Variants in DOCK2 observed in about 807,000 individuals in gnomAD.
DOCK2 encodes the protein dedicator of cytokinesis 2.
In DOCK2, 87 loss-of-function variants were observed where a neutral mutation model predicts 248.9. That is an observed-to-expected ratio of 0.35 (90% confidence interval 0.29 to 0.42). The LOEUF is 0.42. Ranked by LOEUF, DOCK2 falls within the 10% of genes least tolerant of loss-of-function variation. DOCK2 has a pLI of 1.00. For missense variants in DOCK2, 1,747 were observed against 2,300.2 expected (o/e 0.76, Z 4.92); for synonymous variants, 805 against 821.6 (o/e 0.98, Z 0.35).
At chr5:169,658,259 T>A (rs1758231028) in intron 2 of DOCK2, among the ~76,000 whole-genome samples, 1 of 151,964 alleles carries the variant, frequency 6.6e-6, no homozygotes, top group Non-Finnish European at 1.5e-5. Context: ...GGCGGGTGGA[T>A]CATGAGGTCA....
At chr5:169,645,069 G>T (rs1757378517) in intron 1 of DOCK2, among the ~76,000 whole-genome samples, 1 of 152,168 alleles carries the variant, frequency 6.6e-6, no homozygotes, top group Non-Finnish European at 1.5e-5. Flanking sequence ...TTGGTTCCAA[G>T]TGTTTGTTGT....
intron 46 of DOCK2, among the ~76,000 whole-genome samples, chr5:170,071,734 A>G (rs1757688204): frequency 1.3e-5 from 2 of 152,314 alleles, no homozygotes; most frequent in South Asian, 2.1e-4. Flanking sequence ...AAGAGTGAGC[A>G]CTGTTCTGTT....
intron 29 of DOCK2, among the ~76,000 whole-genome samples, chr5:169,992,720 C>T (rs554570054): frequency 1.4e-4 from 21 of 152,290 alleles, no homozygotes; most frequent in Middle Eastern, 3.4e-3. Flanking sequence ...ATCTCGGCCT[C>T]CCAAAGTGCT....
At chr5:169,787,157 G>C (rs1014686356) in intron 25 of DOCK2, among the ~76,000 whole-genome samples, 1 of 152,116 alleles carries the variant, frequency 6.6e-6, no homozygotes, top group South Asian at 2.1e-4. Context: ...TTCCACTTCC[G>C]CACTCTGCTC....
At chr5:170,037,624 C>A (rs1756367479) in intron 36 of DOCK2, among the ~76,000 whole-genome samples, 1 of 151,908 alleles carries the variant, frequency 6.6e-6, no homozygotes, top group East Asian at 1.9e-4. Flanking sequence ...GTAGCTGAGA[C>A]TACAGGCCTG....
intron 40 of DOCK2, 138 bp downstream of exon 40, chr5:170,047,752 A>G: frequency 1.5e-6 from 1 of 669,514 alleles, no homozygotes; most frequent in Non-Finnish European, 2.5e-6. Context: ...CATCCCCAGG[A>G]GACTCCCCAG....
intron 8 of DOCK2, among the ~76,000 whole-genome samples, chr5:169,686,567 A>G (rs1177465639): frequency 6.6e-6 from 1 of 152,204 alleles, no homozygotes; most frequent in Non-Finnish European, 1.5e-5. Context: ...CAATGCAGGA[A>G]GGAGGGCAGG....
chr5:169,847,063 G>A (rs1343314364), intron 27 of DOCK2, among the ~76,000 whole-genome samples: 1 of 152,140 alleles, frequency 6.6e-6, no homozygotes, highest in Non-Finnish European at 1.5e-5. Flanking sequence ...AGTGTTCCAT[G>A]GTGCATATAT....
chr5:169,887,856 A>G (rs979985179), intron 27 of DOCK2, among the ~76,000 whole-genome samples: 2 of 152,208 alleles, frequency 1.3e-5, no homozygotes, highest in Non-Finnish European at 2.9e-5. Flanking sequence ...CCATTACTGC[A>G]TGAGAAGGTC....
At chr5:169,891,614 G>A (rs534003258) in intron 27 of DOCK2, among the ~76,000 whole-genome samples, 78 of 152,096 alleles carry the variant, frequency 5.1e-4, no homozygotes, top group African/African-American at 1.8e-3. Context: ...TAAAAACCAC[G>A]AAGACAACCC....
At chr5:169,645,626 A>G (rs1208855773) in intron 1 of DOCK2, among the ~76,000 whole-genome samples, 1 of 152,170 alleles carries the variant, frequency 6.6e-6, no homozygotes, top group Non-Finnish European at 1.5e-5. Context: ...CAGTTTAATT[A>G]GATCCCATTT....
chr5:169,797,791 C>T (rs1766745017), intron 25 of DOCK2, among the ~76,000 whole-genome samples: 1 of 152,190 alleles, frequency 6.6e-6, no homozygotes, highest in African/African-American at 2.4e-5. Context: ...TATTTATCTT[C>T]AAAACCATTT....
intron 50 of DOCK2, chr5:170,081,456 G>A (rs1271583289): frequency 1.1e-5 from 2 of 183,104 alleles, no homozygotes; most frequent in East Asian, 3.0e-4. Flanking sequence ...GTGGGTTTGA[G>A]ACTCTCTTCC....
intron 29 of DOCK2, 147 bp from the exon 30 acceptor site, chr5:169,995,939 A>T: frequency 1.4e-6 from 1 of 698,148 alleles, no homozygotes; most frequent in Non-Finnish European, 2.3e-6. Flanking sequence ...AATAGTTGTT[A>T]ATCTGCATTA....
At chr5:170,071,358 C>A (rs998703192) in intron 46 of DOCK2, among the ~76,000 whole-genome samples, 4 of 152,194 alleles carry the variant, frequency 2.6e-5, no homozygotes, top group Non-Finnish European at 4.4e-5. Context: ...AAGCCAAATA[C>A]ACTTTGAATT....
At chr5:169,746,876 T>A (rs1763643647) in intron 22 of DOCK2, among the ~76,000 whole-genome samples, 1 of 152,068 alleles carries the variant, frequency 6.6e-6, no homozygotes, top group African/African-American at 2.4e-5. Flanking sequence ...GATTTTATAA[T>A]CAGAGAAACA....
At chr5:169,884,498 A>T (rs1194075524) in intron 27 of DOCK2, 2 of 152,252 alleles carry the variant, frequency 1.3e-5, no homozygotes, top group East Asian at 3.9e-4. Flanking sequence ...CTCCCAAGGG[A>T]ACATTCCCAT....
At chr5:169,761,256 C>G (rs1764473593) in intron 24 of DOCK2, 1 of 348,352 alleles carries the variant, frequency 2.9e-6, no homozygotes, top group Non-Finnish European at 5.3e-6. Flanking sequence ...ATAATGAATG[C>G]AAAATGCAAA....
chr5:169,658,511 A>G (rs1581399120), intron 2 of DOCK2, among the ~76,000 whole-genome samples: 1 of 149,372 alleles, frequency 6.7e-6, no homozygotes, highest in South Asian at 2.1e-4. Flanking sequence ...ATGTATTTAT[A>G]TAGTATCTTC....
Sources: allele counts gnomAD v4.1 joint callset (sites outside exome capture counted in the v4.1 genomes callset), GRCh38; gene constraint gnomAD v4.1.1; transcripts MANE v1.5; gene names NCBI Gene and HGNC (gene_info 2026-07-23, HGNC 2026-07-21).